The following SFSWAP variants were observed in gnomAD, a reference collection of about 807,000 sequenced individuals.
SFSWAP encodes splicing factor SWAP.
A neutral mutation model predicts 100.7 loss-of-function variants in SFSWAP; 17 were observed. The ratio of observed to expected loss-of-function variants is 0.17; its 90% confidence interval spans 0.12 to 0.25. The LOEUF (loss-of-function observed/expected upper bound fraction) is 0.25, where lower values mean the gene tolerates loss of function less well. SFSWAP is among the 10% of genes least tolerant of loss of function. SFSWAP has a pLI of 1.00. For synonymous variants in SFSWAP, 504 were observed against 510.1 expected (o/e 0.99, Z 0.16); for missense variants, 1,005 against 1,262.6 (o/e 0.80, Z 3.09).
intron 7 of SFSWAP, 88 bp from the exon 8 acceptor site, chr12:131,753,035 C>CG: frequency 1.3e-6 from 2 of 1,560,644 alleles, no homozygotes; most frequent in Non-Finnish European, 1.7e-6. Context: ...TGCATCTTGC[C>CG]GGGGGAAGGG....
chr12:131,731,301 G>A (rs371413541), intron 7 of SFSWAP, among the ~76,000 whole-genome samples: 29 of 152,320 alleles, frequency 1.9e-4, no homozygotes, highest in Admixed American at 5.9e-4. Context: ...GTTCCAGGGC[G>A]CCTGACTCAC....
At chr12:131,763,361 T>A (rs1437097840) in intron 11 of SFSWAP, among the ~76,000 whole-genome samples, 3 of 152,180 alleles carry the variant, frequency 2.0e-5, no homozygotes, top group Non-Finnish European at 4.4e-5. Context: ...GTGGGTGCCT[T>A]GAATATTCTT....
At chr12:131,781,724 G>A (rs1301482229) in intron 14 of SFSWAP, among the ~76,000 whole-genome samples, 1 of 152,176 alleles carries the variant, frequency 6.6e-6, no homozygotes, top group Non-Finnish European at 1.5e-5. Flanking sequence ...GCAGAGCAAA[G>A]TGTTTCCAGA....
chr12:131,723,063 G>A (rs1566005453), intron 4 of SFSWAP, among the ~76,000 whole-genome samples: 1 of 152,224 alleles, frequency 6.6e-6, no homozygotes, highest in African/African-American at 2.4e-5. Flanking sequence ...GGTCAGGCCT[G>A]GGGTTCTAGC....
chr12:131,778,245 C>G lies in SFSWAP; in HGVS notation c.2323C>G (p.His775Asp). 3 of 1,614,092 alleles carry G rather than the reference C, an allele frequency of 1.9e-6. No homozygotes were observed. The highest frequency in any genetic ancestry group is 2.5e-6 in the Non-Finnish European group (3 of 1,180,022). Reference sequence around the variant, plus strand: ...AACAAGATCACGTTCTCCCAAGTACCATTCGTCATCCAAGTCCAGGTCTAG... The same window carrying G: ...AACAAGATCACGTTCTCCCAAGTACGATTCGTCATCCAAGTCCAGGTCTAG... ...SRTRSRSPKY[H>D]SSSKSRSRSH... Residue 775 changes from histidine (H) to aspartate (D), a missense_variant, in exon 14 of 18, where the codon CAT becomes GAT. His to Asp is a moderately conservative substitution (Grantham distance 81, BLOSUM62 -1). Transcript: ENST00000261674. This position sits in a 1 kb window ranked among gnomAD's most constrained non-coding sequence, Gnocchi z 4.2.
At position 131,786,579 on chromosome 12, in the gene SFSWAP, C is replaced by A. The variant is rs1208144126; in HGVS notation, c.2525C>A (p.Thr842Asn). 3 of 1,589,690 alleles carry A rather than the reference C, an allele frequency of 1.9e-6. No individual in the cohort carries two copies. The African/African-American group carries it at 4.0e-5, about 21-fold the overall frequency. Reference sequence around the variant, plus strand: ...AGCCCTGGGGCCAGTAGGAAGCGGACCCGCTCCAGGTAGGCCACTGGGTGT... The same window carrying A: ...AGCCCTGGGGCCAGTAGGAAGCGGAACCGCTCCAGGTAGGCCACTGGGTGT... ...SRSPGASRKR[T>N]RSRSPHEKKK... The change falls in exon 15 of 18, where the codon ACC (threonine) becomes AAC (asparagine). Residue 842 changes from threonine to asparagine, a missense_variant. Physicochemically the swap from Thr to Asn is moderately conservative, Grantham distance 65 (BLOSUM62 0). Around this residue, in one of 7 missense-constraint regions of SFSWAP, gnomAD observed 295 missense variants for 347.9 expected, o/e 0.85. Coordinates refer to ENST00000261674, the MANE Select transcript of SFSWAP (RefSeq NM_004592.4).
chr12:131,719,485 T>C lies in SFSWAP; in HGVS notation c.552T>C (p.Asn184=), dbSNP rs1878258249. ...EKNEAENLEE[N]EEPFVAPLGL... ...ATGAGGCCGAAAATTTAGAGGAAAA[T>C]GAAGAGCCCTTCGTTGCCCCCTTAG... Residue 184 remains asparagine, a synonymous_variant, in exon 4 of 18, where the codon AAT becomes AAC. Transcript: ENST00000261674. 3 of 1,614,116 alleles carry C rather than the reference T, an allele frequency of 1.9e-6. No individual in the cohort carries two copies. Among genetic ancestry groups the C allele is most frequent in the East Asian group, 4.5e-5 (2 of 44,864 alleles).
chr12:131,726,921 A>G lies in SFSWAP; in HGVS notation c.833-19A>G. 1.4e-6 allele frequency: 2 copies of G among 1,438,938 alleles called. No individual in the cohort carries two copies. Among genetic ancestry groups the G allele is most frequent in the Non-Finnish European group, 1.9e-6 (2 of 1,030,024 alleles). 89.1% of individuals were successfully genotyped at this position (1,438,938 alleles called of 1,614,324 possible). A position where few individuals can be genotyped will look rare whatever the true frequency, so the allele number is the denominator to read the frequency against. On this transcript the variant is annotated intron_variant, in intron 5 of 17. Transcript: ENST00000261674. Reference sequence around the variant, plus strand: ...TTCTCACCAAACACCAAAATCTTGAAATGTGATTTTGATTTCAGAATCAGG... The same window carrying G: ...TTCTCACCAAACACCAAAATCTTGAGATGTGATTTTGATTTCAGAATCAGG...
chr12:131,754,350 C>T lies in SFSWAP; in HGVS notation c.1323-18C>T, dbSNP rs747965045. 8 of 1,516,164 alleles carry T rather than the reference C, an allele frequency of 5.3e-6. No individual in the cohort carries two copies. Among genetic ancestry groups the T allele is most frequent in the Admixed American group, 4.5e-5 (2 of 44,396 alleles). The allele number at this position is 1,516,164 out of a possible 1,614,324, so 93.9% of individuals were successfully genotyped here. ...GAGCCCCTGAAGCCCAGGGGTCTCACAGACTCTTCTCCTGCAGTGCACTTG... is the reference window on the plus strand; with the variant it reads ...GAGCCCCTGAAGCCCAGGGGTCTCATAGACTCTTCTCCTGCAGTGCACTTG... On this transcript the variant is annotated intron_variant, in intron 8 of 17. Transcript: ENST00000261674.
chr12:131,741,644 C>CAAA (rs543737279), intron 7 of SFSWAP, among the ~76,000 whole-genome samples: 10 of 68,842 alleles, frequency 1.5e-4, no homozygotes, highest in African/African-American at 4.9e-4. Flanking sequence ...AGACTCTGTC[C>CAAA]AAAAAAAAAA....
chr12:131,749,712 T>C (rs894647745), intron 7 of SFSWAP, among the ~76,000 whole-genome samples: 3 of 152,218 alleles, frequency 2.0e-5, no homozygotes, highest in Non-Finnish European at 2.9e-5. Flanking sequence ...CCAGCTGGCA[T>C]GAACTCACTC....
At chr12:131,758,224 TG>T (rs911960516) in intron 11 of SFSWAP, among the ~76,000 whole-genome samples, 3 of 152,112 alleles carry the variant, frequency 2.0e-5, no homozygotes, top group Non-Finnish European at 4.4e-5. Context: ...CTGCCAGCTG[TG>T]GGGCCCGCAG....
rs1386344084 is a variant in SFSWAP at position 131,794,145 on chromosome 12, C to T, written c.2535-3033C>T. On this transcript the variant is annotated intron_variant, in intron 15 of 17. Coordinates refer to ENST00000261674, the MANE Select transcript of SFSWAP (RefSeq NM_004592.4). The surrounding 1 kb of genome is among the most constrained non-coding windows in gnomAD (Gnocchi z 4.8). Reference sequence around the variant, plus strand: ...AGAATGAATCAACAGATAATGGTAGCGTCCTGTCCTGTAATACTATTCATC... The same window carrying T: ...AGAATGAATCAACAGATAATGGTAGTGTCCTGTCCTGTAATACTATTCATC... Among the ~76,000 whole-genome samples, 1 of 152,176 alleles carries T rather than the reference C, an allele frequency of 6.6e-6. No individual in the cohort carries two copies. Among genetic ancestry groups the T allele is most frequent in the African/African-American group, 2.4e-5 (1 of 41,446 alleles).
chr12:131,772,024 C>T (rs1366940253), intron 13 of SFSWAP, among the ~76,000 whole-genome samples: 5 of 152,132 alleles, frequency 3.3e-5, no homozygotes, highest in African/African-American at 1.2e-4. Flanking sequence ...TAGCCTGGGC[C>T]CATGTTTCTT....
chr12:131,720,914 A>G (rs926858377), intron 4 of SFSWAP, among the ~76,000 whole-genome samples: 1 of 152,178 alleles, frequency 6.6e-6, no homozygotes, highest in African/African-American at 2.4e-5. Context: ...AAAATACCTG[A>G]GACTGGGTAA....
chr12:131,724,031 TA>T (rs1878728199), intron 4 of SFSWAP, among the ~76,000 whole-genome samples: 1 of 152,206 alleles, frequency 6.6e-6, no homozygotes, highest in South Asian at 2.1e-4. Flanking sequence ...CCTAATAAAG[TA>T]AAGAATGGCT....
intron 11 of SFSWAP, among the ~76,000 whole-genome samples, chr12:131,759,506 A>G (rs920271464): frequency 6.6e-6 from 1 of 152,224 alleles, no homozygotes; most frequent in African/African-American, 2.4e-5. Flanking sequence ...TCAGCTATGT[A>G]TGAAAATAGT....
At chr12:131,786,635 C>T in intron 15 of SFSWAP, 47 bp downstream of exon 15, 6 of 1,554,210 alleles carry the variant, frequency 3.9e-6, no homozygotes, top group South Asian at 2.4e-5. Flanking sequence ...GGCCAGGTTT[C>T]CCTGGGTGGA....
chr12:131,779,467 C>A (rs1214240940), intron 14 of SFSWAP, among the ~76,000 whole-genome samples: 2 of 152,168 alleles, frequency 1.3e-5, no homozygotes, highest in African/African-American at 4.8e-5. Context: ...GAATTTACAT[C>A]TTGGTGAAAA....
Sources: allele counts gnomAD v4.1 joint callset (sites outside exome capture counted in the v4.1 genomes callset), GRCh38; gene constraint gnomAD v4.1.1; regional missense constraint gnomAD v4.1.1; non-coding constraint Gnocchi (gnomAD v3.1); transcripts MANE v1.5; gene names NCBI Gene and HGNC (gene_info 2026-07-23, HGNC 2026-07-21).